The following RFC5 variants were observed in gnomAD, a reference collection of about 807,000 sequenced individuals.
RFC5 encodes the protein replication factor C subunit 5.
In RFC5, 26 loss-of-function variants were observed where a neutral mutation model predicts 44.3. The ratio of observed to expected loss-of-function variants is 0.59; its 90% CI spans 0.43 to 0.81. RFC5 has a LOEUF of 0.81. RFC5 is among the 40% of genes least tolerant of loss of function. RFC5 has a pLI of 0.00. For synonymous variants in RFC5, 155 were observed against 155.2 expected, an observed-to-expected ratio of 1.00 and a Z score of 0.01; for missense variants, 328 against 418.6, an observed-to-expected ratio of 0.78 and a Z score of 1.89.
At chr12:118,034,784 TTTAA>T (rs546134624), downstream of RFC5, 1,518 of 585,936 alleles carry the variant, frequency 2.6e-3, 3 homozygotes, top group Non-Finnish European at 3.0e-3. Context: ...CTTACAGATC[TTTAA>T]TTACATTTAG....
intron 3 of RFC5, 144 bp from the exon 4 acceptor site, chr12:118,020,762 T>C: frequency 1.9e-6 from 1 of 524,752 alleles, no homozygotes; most frequent in Non-Finnish European, 3.4e-6. Context: ...ACTGATTTTT[T>C]ATTTTATGAT....
chr12:118,019,656 G>T lies in RFC5; in HGVS notation c.155G>T (p.Arg52Leu), dbSNP rs764130412. 4 of 1,613,876 alleles carry T rather than the reference G, an allele frequency of 2.5e-6. No individual in the cohort carries two copies. The Admixed American group carries it at 5.0e-5, about 20-fold the overall frequency. ...STIQKFINED[R>L]LPHLLLYGPP... ...GTTCAGAAGTTTATCAATGAAGACC[G>T]ACTGCCACACTTGCTTCTCTACGGT... Residue 52 changes from arginine to leucine, a missense_variant, in exon 3 of 11, where the codon CGA becomes CTA. Coordinates refer to ENST00000454402, the MANE Select transcript of RFC5 (RefSeq NM_007370.7). The surrounding 1 kb of genome is among the most constrained non-coding windows in gnomAD (Gnocchi z 4.2).
In RFC5 at chr12:118,016,769, T is replaced by G; in HGVS notation, c.-59T>G. Reference sequence around the variant, plus strand: ...AGGGTCAGGTCGCGGCTGGTCACTGTGCAGGCGCTTGGGTGACGCGACGAT... The same window carrying G: ...AGGGTCAGGTCGCGGCTGGTCACTGGGCAGGCGCTTGGGTGACGCGACGAT... On this transcript the variant is annotated 5_prime_UTR_variant, in exon 1 of 11. Coordinates refer to ENST00000454402, the MANE Select transcript of RFC5 (RefSeq NM_007370.7). 6.9e-7 allele frequency: 1 copy of G among 1,455,624 alleles called. No individual in the cohort carries two copies. The allele number at this position is 1,455,624 out of a possible 1,614,324, so 90.2% of individuals were successfully genotyped here. A position where few individuals can be genotyped will look rare whatever the true frequency, so the allele number is the denominator to read the frequency against.
chr12:118,022,183 T>C, intron 4 of RFC5, 103 bp from the exon 5 acceptor site: 2 of 915,682 alleles, frequency 2.2e-6, no homozygotes, highest in South Asian at 2.8e-5. Flanking sequence ...GAAATTGTCT[T>C]TCTGAGACAG....
downstream of RFC5, chr12:118,035,285 G>A (rs1346702416): frequency 7.4e-6 from 12 of 1,614,104 alleles, no homozygotes; most frequent in Non-Finnish European, 1.0e-5. Context: ...AGCTAATGTG[G>A]ACGTCACTGT....
chr12:118,029,958 A>G (rs1340589915), intron 10 of RFC5, 133 bp downstream of exon 10: 9 of 719,920 alleles, frequency 1.3e-5, no homozygotes, highest in Non-Finnish European at 2.0e-5. Flanking sequence ...GTCTGGTGAT[A>G]TTGAATGGAA....
chr12:118,035,978 G>GA (rs1233942063), downstream of RFC5: 1 of 169,094 alleles, frequency 5.9e-6, no homozygotes, highest in Non-Finnish European at 1.3e-5. Context: ...TGAGGCGGTG[G>GA]ATCACCTGAG....
intron 9 of RFC5, among the ~76,000 whole-genome samples, 162 bp from the exon 10 acceptor site, chr12:118,029,609 C>A (rs2031181777): frequency 6.6e-6 from 1 of 151,964 alleles, no homozygotes. Context: ...AGTATGAAAC[C>A]AGCACTGTTT....
intron 5 of RFC5, among the ~76,000 whole-genome samples, chr12:118,023,807 C>CAAG (rs58877748): frequency 0.25 from 37,256 of 148,740 alleles, 5,969 homozygotes; most frequent in East Asian, 0.56. Flanking sequence ...TGTAAAAGGA[C>CAAG]AAGAAGTCTC....
Position 118,020,992 on chromosome 12 carries a change from A to G in RFC5, c.347+7A>G, listed in dbSNP as rs2137697330. ...GCACAAGGACAATATTTAAGTAAGA[A>G]TTATTTGTGTAATTTCGCTCCCTTG... is the stretch of plus-strand genomic sequence containing the variant. On this transcript the variant is annotated splice_region_variant and intron_variant, in intron 4 of 10. Transcript: ENST00000454402. 1 of 1,576,736 alleles carries G rather than the reference A, an allele frequency of 6.3e-7. No homozygotes were observed. Among genetic ancestry groups the G allele is most frequent in the Non-Finnish European group, 8.7e-7 (1 of 1,147,636 alleles).
chr12:118,037,975 C>T (rs570874800), downstream of RFC5: 1 of 225,668 alleles, frequency 4.4e-6, no homozygotes, highest in East Asian at 9.4e-5. Flanking sequence ...AATTTGGATT[C>T]ACATGTGGGC....
At chr12:118,020,835 C>A in intron 3 of RFC5, 71 bp from the exon 4 acceptor site, 1 of 941,348 alleles carries the variant, frequency 1.1e-6, no homozygotes, top group Non-Finnish European at 1.7e-6. Flanking sequence ...TGAGGAAATA[C>A]ACTAACACCA....
At chr12:118,022,382 G>C (rs373383461) in intron 5 of RFC5, 23 bp downstream of exon 5, 1 of 1,539,818 alleles carries the variant, frequency 6.5e-7, no homozygotes, top group Non-Finnish European at 9.0e-7. Flanking sequence ...ACTGTGGAGC[G>C]TTTGGGCTGG....
At chr12:118,031,124 A>C (rs1157547310) in intron 10 of RFC5, 58 bp from the exon 11 acceptor site, 2 of 1,250,124 alleles carry the variant, frequency 1.6e-6, no homozygotes, top group Non-Finnish European at 2.3e-6. Flanking sequence ...TTGGTCCCTT[A>C]AGAAAAGGCA....
chr12:118,019,072 G>T lies in RFC5; in HGVS notation c.66G>T (p.Trp22Cys). ...PAATKIRNLP[W>C]VEKYRPQTLN... ...TAATACATACTAAATTGTATTTCAGGGTTGAAAAATACCGGCCACAGACCC... is the reference window on the plus strand; with the variant it reads ...TAATACATACTAAATTGTATTTCAGTGTTGAAAAATACCGGCCACAGACCC... Residue 22 changes from tryptophan (W) to cysteine (C), a missense_variant and splice_region_variant, in exon 2 of 11, where the codon TGG becomes TGT. Transcript: ENST00000454402. This position sits in a 1 kb window ranked among gnomAD's most constrained non-coding sequence, Gnocchi z 4.2. 6.2e-7 allele frequency: 1 copy of T among 1,601,738 alleles called. No individual in the cohort carries two copies.
chr12:118,025,189 C>G lies in RFC5; in HGVS notation c.581+179C>G, dbSNP rs189073535. 2.0e-5 allele frequency: 10 copies of G among 508,594 alleles called. No homozygotes were observed. In the Admixed American group the frequency reaches 3.4e-4, roughly 17 times the overall value. The allele number at this position is 508,594 out of a possible 1,614,324, so 31.5% of individuals were successfully genotyped here. On this transcript the variant is annotated intron_variant, in intron 6 of 10. Coordinates refer to ENST00000454402, the MANE Select transcript of RFC5 (RefSeq NM_007370.7). Reference sequence around the variant, plus strand: ...TTTTCTCTGCTGTCTCAAGGCCATTCCTCATAAAAGTCATTTGGTACTTCA... The same window carrying G: ...TTTTCTCTGCTGTCTCAAGGCCATTGCTCATAAAAGTCATTTGGTACTTCA...
chr12:118,026,698 C>T (rs1039313087), intron 7 of RFC5, among the ~76,000 whole-genome samples, 191 bp from the exon 8 acceptor site: 6 of 152,196 alleles, frequency 3.9e-5, no homozygotes, highest in African/African-American at 1.4e-4. Flanking sequence ...CTGGAATAGC[C>T]AACAGGCTGT....
chr12:118,023,312 G>C (rs866749801), intron 5 of RFC5, among the ~76,000 whole-genome samples: 3 of 150,610 alleles, frequency 2.0e-5, no homozygotes, highest in Non-Finnish European at 4.4e-5. Flanking sequence ...GATTCCAAGT[G>C]AATCAGCTTT....
chr12:118,034,155 C>T (rs368150064), downstream of RFC5: 125 of 1,611,270 alleles, frequency 7.8e-5, no homozygotes, highest in Non-Finnish European at 8.6e-5. Flanking sequence ...TTTGACAGGA[C>T]GATTTACCCT....
Sources: allele counts gnomAD v4.1 joint callset (sites outside exome capture counted in the v4.1 genomes callset), GRCh38; gene constraint gnomAD v4.1.1; non-coding constraint Gnocchi (gnomAD v3.1); transcripts MANE v1.5; gene names NCBI Gene and HGNC (gene_info 2026-07-23, HGNC 2026-07-21).